The following NOTCH2NLR variants were observed in gnomAD, a reference collection of about 807,000 sequenced individuals.
The protein encoded by NOTCH2NLR is notch 2 N-terminal like R (pseudogene).
A neutral mutation model predicts 35.6 loss-of-function variants in NOTCH2NLR; 33 were observed. The observed-to-expected ratio is 0.93, with a 90% CI of 0.70 to 1.24. The LOEUF is 1.24. Ranked by LOEUF, NOTCH2NLR falls within the 50% of genes most tolerant of loss-of-function variation. The pLI is 0.00. For synonymous variants in NOTCH2NLR, 103 were observed against 141.0 expected (o/e 0.73, Z 1.91); for missense variants, 276 against 362.2 (o/e 0.76, Z 1.93).
rs1253284478 is a variant in NOTCH2NLR, at chr1:120,785,084, C to T, written c.266C>T (p.Thr89Met). ...GCCCAGGCCATGCTGGGGAAAGCCA[C>T]GTGCCGGTGTGCCTCAGGGTTTACA... The change falls in exon 3 of 5, where the codon ACG becomes ATG. Residue 89 changes from threonine (T) to methionine (M), a missense_variant. Physicochemically the swap from Thr to Met is moderately conservative, Grantham distance 81. Transcript: ENST00000624419. 2.4e-3 allele frequency: 3,431 copies of T among 1,446,154 alleles called. 799 individuals carry two copies. The highest frequency in any genetic ancestry group is 0.022 in the South Asian group (1,838 of 83,172). The allele number at this position is 1,446,154 out of a possible 1,614,324, so 89.6% of individuals were successfully genotyped here. A position where few individuals can be genotyped will look rare whatever the true frequency, so the allele number is the denominator to read the frequency against.
intron 1 of NOTCH2NLR, among the ~76,000 whole-genome samples, chr1:120,754,742 T>A (rs1469797245): frequency 8.7e-6 from 1 of 115,420 alleles, no homozygotes; most frequent in Non-Finnish European, 1.6e-5. Context: ...AGGCTAAGAG[T>A]GGAGAGTGTA....
In NOTCH2NLR at chr1:120,790,089, C is replaced by A. The variant is rs1651467360; in HGVS notation, c.416-3072C>A. On this transcript the variant is annotated intron_variant, in intron 3 of 4. Transcript: ENST00000624419. ...TGGAGTGCAGGGCGCAATCTCGGTT[C>A]ACTGCAAGTTCCACCTCCCGGGTTC... Among the ~76,000 whole-genome samples the A allele has an allele frequency of 3.7e-5, 3 of 81,330 alleles. 1 individual carries two copies. Among genetic ancestry groups the A allele is most frequent in the African/African-American group, 1.9e-4 (2 of 10,514 alleles). The allele number at this position is 81,330 out of a possible 152,430, so 53.4% of individuals were successfully genotyped here. A position where few individuals can be genotyped will look rare whatever the true frequency, so the allele number is the denominator to read the frequency against.
At chr1:120,785,210 G>A in exon 3 of NOTCH2NLR, 2 of 1,445,564 alleles carry the variant, frequency 1.4e-6, no homozygotes, top group Non-Finnish European at 1.8e-6. Context: ...ACCTATGAGT[G>A]CACCTGTCAA....
In NOTCH2NLR at chr1:120,784,075, G is replaced by T. The variant is rs1318123159; in HGVS notation, c.156-899G>T. On this transcript the variant is annotated intron_variant, in intron 2 of 4. Coordinates refer to ENST00000624419, the Ensembl canonical transcript of NOTCH2NLR. ...ATTAGGCTACAGTCATAGAAGGTTA[G>T]CTGTGAAACAATAATTTGGAAAGGT... 1.7e-5 allele frequency among the ~76,000 whole-genome samples: 2 copies of T among 117,142 alleles called. 1 individual carries two copies. Among genetic ancestry groups the T allele is most frequent in the Non-Finnish European group, 3.3e-5 (2 of 60,998 alleles). 76.8% of individuals were successfully genotyped at this position (117,142 alleles called of 152,430 possible). A position where few individuals can be genotyped will look rare whatever the true frequency, so the allele number is the denominator to read the frequency against.
chr1:120,750,500 T>C (rs1206314774), intron 1 of NOTCH2NLR, among the ~76,000 whole-genome samples: 1 of 106,750 alleles, frequency 9.4e-6, no homozygotes, highest in Non-Finnish European at 1.7e-5. Context: ...TTCTGTGGAG[T>C]ACTATCAGAT....
At chr1:120,793,643 T>A in intron 4 of NOTCH2NLR, 104 bp from the exon 5 acceptor site, 2 of 607,422 alleles carry the variant, frequency 3.3e-6, no homozygotes, top group Non-Finnish European at 5.8e-6. Flanking sequence ...GAGGGAGGAG[T>A]TTTATGGGCC....
At chr1:120,782,307 AAAGTT>A (rs1651373819) in intron 2 of NOTCH2NLR, among the ~76,000 whole-genome samples, 1 of 110,664 alleles carries the variant, frequency 9.0e-6, no homozygotes, top group East Asian at 2.2e-4. Context: ...TGTTCTTTTC[AAAGTT>A]AAGACATAAT....
rs1224449073 is a variant in NOTCH2NLR at position 120,787,935 on chromosome 1, C to A, written c.415+2702C>A. Among the ~76,000 whole-genome samples, 2 of 110,626 alleles carry A rather than the reference C, an allele frequency of 1.8e-5. 1 individual carries two copies. Among genetic ancestry groups the A allele is most frequent in the Non-Finnish European group, 3.4e-5 (2 of 59,062 alleles). 72.6% of individuals were successfully genotyped at this position (110,626 alleles called of 152,430 possible). On this transcript the variant is annotated intron_variant, in intron 3 of 4. Coordinates refer to ENST00000624419, the Ensembl canonical transcript of NOTCH2NLR. ...TACAGTCCTCATTTCTGCAGCTGGT[C>A]ACATGGTAGTAGGTGGTATTGATGA...
rs1240711071 is a variant in NOTCH2NLR, at chr1:120,790,095, A to G, written c.416-3066A>G. Among the ~76,000 whole-genome samples the G allele has an allele frequency of 4.6e-5, 4 of 87,650 alleles. No individual in the cohort carries two copies. The East Asian group carries it at 1.0e-3, about 23-fold the overall frequency. The allele number at this position is 87,650 out of a possible 152,430, so 57.5% of individuals were successfully genotyped here. ...GCAGGGCGCAATCTCGGTTCACTGCAAGTTCCACCTCCCGGGTTCACGCCA... is the reference window on the plus strand; with the variant it reads ...GCAGGGCGCAATCTCGGTTCACTGCGAGTTCCACCTCCCGGGTTCACGCCA... On this transcript the variant is annotated intron_variant, in intron 3 of 4. Transcript: ENST00000624419.
At chr1:120,729,503 A>G (rs1357322605) in intron 1 of NOTCH2NLR, among the ~76,000 whole-genome samples, 6 of 108,046 alleles carry the variant, frequency 5.6e-5, no homozygotes, top group Non-Finnish European at 1.1e-4. Context: ...GAGTCCTGAG[A>G]CCTGTGCAGG....
intron 1 of NOTCH2NLR, among the ~76,000 whole-genome samples, chr1:120,724,833 C>T (rs1435495893): frequency 0.034 from 2,863 of 84,936 alleles, 265 homozygotes; most frequent in African/African-American, 0.12. Context: ...CCGGGGGAGC[C>T]GTGTGTGCTG....
At chr1:120,733,200 C>T (rs1443893582) in intron 1 of NOTCH2NLR, among the ~76,000 whole-genome samples, 1 of 103,664 alleles carries the variant, frequency 9.6e-6, no homozygotes, top group Non-Finnish European at 1.8e-5. Flanking sequence ...ATTGTCAACA[C>T]TAGGTTTTAT....
rs1258197991 is a variant in NOTCH2NLR at position 120,765,759 on chromosome 1, A to G, written c.155+2050A>G. Among the ~76,000 whole-genome samples the G allele has an allele frequency of 2.4e-5, 3 of 126,196 alleles. 1 individual carries two copies. Among genetic ancestry groups the G allele is most frequent in the Non-Finnish European group, 5.0e-5 (3 of 60,440 alleles). The allele number at this position is 126,196 out of a possible 152,430, so 82.8% of individuals were successfully genotyped here. ...TGCCCAACGGTGATAGACTGGATAA[A>G]GAAAATGTGGCATGTATACACGATG... On this transcript the variant is annotated intron_variant, in intron 2 of 4. Coordinates refer to ENST00000624419, the Ensembl canonical transcript of NOTCH2NLR.
chr1:120,793,292 G>T (rs1276779433), exon 4 of NOTCH2NLR: 13 of 1,395,402 alleles, frequency 9.3e-6, no homozygotes, highest in Non-Finnish European at 1.3e-5. Flanking sequence ...TGAGACTGAT[G>T]TCAATGAGTG....
intron 1 of NOTCH2NLR, among the ~76,000 whole-genome samples, chr1:120,728,028 TA>T (rs1571018787): frequency 8.4e-6 from 1 of 118,872 alleles, no homozygotes; most frequent in East Asian, 2.1e-4. Context: ...CAGAGCCAAT[TA>T]GAGTTGAGAC....
In NOTCH2NLR at chr1:120,728,023, C is replaced by A. The variant is rs1650834573; in HGVS notation, c.73+3773C>A. ...ATGTTCATTGTTCATGGTCACAGAG[C>A]CAATTAGAGTTGAGACTAGAATTCC... On this transcript the variant is annotated intron_variant, in intron 1 of 4. Transcript: ENST00000624419. Among the ~76,000 whole-genome samples, 4 of 118,818 alleles carry A rather than the reference C, an allele frequency of 3.4e-5. 2 individuals are homozygous for A. The highest frequency in any genetic ancestry group is 9.6e-5 in the African/African-American group (2 of 20,824). The allele number at this position is 118,818 out of a possible 152,430, so 77.9% of individuals were successfully genotyped here.
Position 120,785,055 on chromosome 1 carries a change from T to G in NOTCH2NLR, c.237T>G (p.Cys79Trp). 2.8e-6 allele frequency: 4 copies of G among 1,445,852 alleles called. 1 individual carries two copies. The highest frequency in any genetic ancestry group is 3.7e-6 in the Non-Finnish European group (4 of 1,082,014). 89.6% of individuals were successfully genotyped at this position (1,445,852 alleles called of 1,614,324 possible). The change falls in exon 3 of 5, where the codon TGT (cysteine) becomes TGG (tryptophan). Residue 79 changes from cysteine (C) to tryptophan (W), a missense_variant. Coordinates refer to ENST00000624419, the Ensembl canonical transcript of NOTCH2NLR. ...ACCGCTGCCAGAATGGTGGGACTTG[T>G]GTGGCCCAGGCCATGCTGGGGAAAG...
chr1:120,793,175 T>C, exon 4 of NOTCH2NLR: 1 of 1,436,184 alleles, frequency 7.0e-7, no homozygotes, highest in Non-Finnish European at 9.3e-7. Context: ...GGAGTGCCAA[T>C]GGACCGATGC....
At chr1:120,767,020 CA>C (rs1158187926) in intron 2 of NOTCH2NLR, among the ~76,000 whole-genome samples, 1 of 35,150 alleles carries the variant, frequency 2.8e-5, no homozygotes, top group Non-Finnish European at 4.4e-5. Context: ...GAATTTTAAG[CA>C]AAATTTTATG....
Sources: gnomAD v4.1 joint callset for allele counts (sites outside exome capture counted in the v4.1 genomes callset) on GRCh38, gnomAD v4.1.1 for gene constraint, MANE v1.5 for transcripts, NCBI Gene and HGNC (gene_info 2026-07-23, HGNC 2026-07-21) for gene names.